Variants in UBXN6 observed in about 807,000 individuals in gnomAD.
UBXN6 encodes the protein UBX domain-containing protein 6.
UBXN6 carries 44 observed loss-of-function variants against 51.4 expected under a neutral mutation model. The ratio of observed to expected loss-of-function variants is 0.86; its 90% CI spans 0.67 to 1.10. The LOEUF is 1.10. Among genes scored for constraint, UBXN6 ranks in the 50% least tolerant of loss-of-function variants. The pLI, the probability that UBXN6 is intolerant of heterozygous loss-of-function variation, is 0.00. For synonymous variants in UBXN6, 316 were observed against 263.2 expected, an observed-to-expected ratio of 1.20 and a Z score of -1.94; for missense variants, 672 against 596.1, an observed-to-expected ratio of 1.13 and a Z score of -1.32.
intron 3 of UBXN6, 22 bp downstream of exon 3, chr19:4,453,436 T>A (rs757824689): frequency 6.2e-7 from 1 of 1,611,498 alleles, no homozygotes; most frequent in African/African-American, 1.3e-5. Flanking sequence ...CATGGGACAG[T>A]GCCACCAGTG....
In UBXN6 at chr19:4,446,272, T is replaced by C. The variant is rs1477341228; in HGVS notation, c.1051+11A>G. 2 of 1,570,506 alleles carry C rather than the reference T, an allele frequency of 1.3e-6. No homozygotes were observed. On this transcript the variant is annotated intron_variant, in intron 9 of 10. Transcript: ENST00000301281. Reference sequence around the variant, plus strand: ...CCCGAGCCGCCCTCCACGGGCATCGTTGGTGCCCACCCTGCAGGAGGCAGC... The same window carrying C: ...CCCGAGCCGCCCTCCACGGGCATCGCTGGTGCCCACCCTGCAGGAGGCAGC...
chr19:4,446,778 C>T, intron 7 of UBXN6, 58 bp downstream of exon 7: 1 of 1,613,226 alleles, frequency 6.2e-7, no homozygotes, highest in Non-Finnish European at 8.5e-7. Context: ...AAGCCGGGCC[C>T]TCCTGCCCCG....
chr19:4,448,265 G>A (rs997343025), intron 5 of UBXN6, 53 bp downstream of exon 5: 3 of 1,478,508 alleles, frequency 2.0e-6, no homozygotes, highest in Non-Finnish European at 1.8e-6. Flanking sequence ...CAGTGGGAGG[G>A]GTGCTGGGAT....
At chr19:4,448,851 TC>T (rs1457158291) in intron 4 of UBXN6, 4 of 186,412 alleles carry the variant, frequency 2.1e-5, no homozygotes, top group African/African-American at 9.4e-5. Flanking sequence ...CTCCCGGGCC[TC>T]ATGTTTACAA....
Position 4,457,614 on chromosome 19 carries a change from C to G in UBXN6, c.83+1G>C, listed in dbSNP as rs1974758458. 2 of 1,597,358 alleles carry G rather than the reference C, an allele frequency of 1.3e-6. No individual in the cohort carries two copies. The highest frequency in any genetic ancestry group is 4.6e-5 in the East Asian group (2 of 43,470). On this transcript the variant is annotated splice_donor_variant, in intron 1 of 10. Coordinates refer to ENST00000301281, the MANE Select transcript of UBXN6 (RefSeq NM_025241.3). LOFTEE classifies it high-confidence loss of function. ...CTCAAGCCCCTGCGTTCCTCACGCA[C>G]CCCACGGACTCTTTGAGCTTCTGAC... is the stretch of plus-strand genomic sequence containing the variant.
At position 4,446,127 on chromosome 19, in the gene UBXN6, C is replaced by A. The variant is rs1381806594; in HGVS notation, c.1122G>T (p.Trp374Cys). 6.2e-7 allele frequency: 1 copy of A among 1,612,476 alleles called. No homozygotes were observed. The highest frequency in any genetic ancestry group is 1.1e-5 in the South Asian group (1 of 91,088). Residue 374 changes from tryptophan to cysteine, a missense_variant, in exon 10 of 11, where the codon TGG becomes TGT. Trp to Cys is a radical substitution (Grantham distance 215, BLOSUM62 -2). Transcript: ENST00000301281. ...GFVREALQSD[W>C]LPFELLASGG... ...CCGAGGCCAGCAGCTCAAAAGGCAG[C>A]CAGTCGCTCTGCAGGGCCTCCCGGA...
At chr19:4,447,712 C>A in intron 5 of UBXN6, 87 bp from the exon 6 acceptor site, 2 of 1,368,020 alleles carry the variant, frequency 1.5e-6, no homozygotes, top group Middle Eastern at 1.8e-4. Context: ...AACAGCAGCT[C>A]AGCCACACTT....
Position 4,447,641 on chromosome 19 carries a change from A to G in UBXN6, c.540-16T>C, listed in dbSNP as rs1400032420. ...GTCCAGGTACCTGGGGTAGGTGGAG[A>G]AGGTGAGTGGGGCACAGCCCAGGCT... is the stretch of plus-strand genomic sequence containing the variant. On this transcript the variant is annotated splice_polypyrimidine_tract_variant and intron_variant, in intron 5 of 10. Coordinates refer to ENST00000301281, the MANE Select transcript of UBXN6 (RefSeq NM_025241.3). 6.2e-7 allele frequency: 1 copy of G among 1,613,372 alleles called. No homozygotes were observed. The highest frequency in any genetic ancestry group is 1.7e-5 in the Admixed American group (1 of 59,976).
chr19:4,445,203 C>T lies in UBXN6; in HGVS notation c.*295G>A, dbSNP rs997670175. 5.2e-6 allele frequency: 2 copies of T among 386,168 alleles called. No homozygotes were observed. The highest frequency in any genetic ancestry group is 4.1e-5 in the Admixed American group (1 of 24,554). The allele number at this position is 386,168 out of a possible 1,614,324, so 23.9% of individuals were successfully genotyped here. ...TGCTCTCCTGCCCAGGGAGATGCCA[C>T]GTGTGTCTGTCCGGCAGCTTCATGA... On this transcript the variant is annotated 3_prime_UTR_variant, in exon 11 of 11. Coordinates refer to ENST00000301281, the MANE Select transcript of UBXN6 (RefSeq NM_025241.3).
chr19:4,445,863 G>A lies in UBXN6; in HGVS notation c.1200+186C>T, dbSNP rs372256170. ...CCATTTGATGGGGAAACTGAGGCGT[G>A]GAGTAGTTATGAACTTGCTCGAGGC... On this transcript the variant is annotated intron_variant, in intron 10 of 10. Coordinates refer to ENST00000301281, the MANE Select transcript of UBXN6 (RefSeq NM_025241.3). 3.0e-5 allele frequency: 32 copies of A among 1,080,398 alleles called. No homozygotes were observed. In the East Asian group the frequency reaches 6.5e-4, roughly 22 times the overall value. The allele number at this position is 1,080,398 out of a possible 1,614,324, so 66.9% of individuals were successfully genotyped here.
In UBXN6 at chr19:4,457,735, G is replaced by A; in HGVS notation, c.-38C>T. ...CCCGGCGGCGGGGGGCCGCGGGGGC[G>A]GGGGGGCACGGGGCCCAGTCGGGGA... On this transcript the variant is annotated 5_prime_UTR_variant, in exon 1 of 11. Coordinates refer to ENST00000301281, the MANE Select transcript of UBXN6 (RefSeq NM_025241.3). The A allele has an allele frequency of 1.4e-6, 2 of 1,386,738 alleles. No homozygotes were observed. Among genetic ancestry groups the A allele is most frequent in the African/African-American group, 1.5e-5 (1 of 66,428 alleles). 85.9% of individuals were successfully genotyped at this position (1,386,738 alleles called of 1,614,324 possible).
rs1256626299 is a variant in UBXN6, at chr19:4,445,496, T to C, written c.*2A>G. ...AGGGCTGAGGCCAACCCTGCTTTTA[T>C]TTCACAAGAGCTTCTCGATGGCTGA... On this transcript the variant is annotated 3_prime_UTR_variant, in exon 11 of 11. Coordinates refer to ENST00000301281, the MANE Select transcript of UBXN6 (RefSeq NM_025241.3). 1.2e-6 allele frequency: 2 copies of C among 1,613,694 alleles called. No homozygotes were observed. Among genetic ancestry groups the C allele is most frequent in the African/African-American group, 2.7e-5 (2 of 74,922 alleles).
intron 1 of UBXN6, chr19:4,455,360 C>T: frequency 1.1e-6 from 1 of 924,286 alleles, no homozygotes; most frequent in Non-Finnish European, 1.3e-6. Flanking sequence ...CCTATCTAGT[C>T]CTCCCACAGC....
intron 1 of UBXN6, among the ~76,000 whole-genome samples, chr19:4,456,968 C>T (rs1248896035): frequency 1.3e-5 from 2 of 152,088 alleles, no homozygotes; most frequent in African/African-American, 4.8e-5. Flanking sequence ...CCCGGCCTCC[C>T]TGGCCTTCCA....
chr19:4,445,781 C>T (rs367970662), intron 10 of UBXN6, 158 bp from the exon 11 acceptor site: 77 of 1,264,166 alleles, frequency 6.1e-5, no homozygotes, highest in Admixed American at 2.9e-4. Context: ...CCTCTCCCTC[C>T]GGGACTCCAG....
chr19:4,454,055 G>C lies in UBXN6; in HGVS notation c.122C>G (p.Pro41Arg). The C allele has an allele frequency of 6.3e-7, 1 of 1,579,946 alleles. No individual in the cohort carries two copies. Among genetic ancestry groups the C allele is most frequent in the Non-Finnish European group, 8.6e-7 (1 of 1,166,250 alleles). The change falls in exon 2 of 11, where the codon CCC (proline) becomes CGC (arginine). Residue 41 changes from proline (P) to arginine (R), a missense_variant. Coordinates refer to ENST00000301281, the MANE Select transcript of UBXN6 (RefSeq NM_025241.3). ...AHKEKPNQPA[P>R]RPPRQGPTNE... ...GGTGGGTCCCTGGCGGGGCGGCCTGGGGGCTGGCTGGTTGGGCTTCTCTTT... is the reference window on the plus strand; with the variant it reads ...GGTGGGTCCCTGGCGGGGCGGCCTGCGGGCTGGCTGGTTGGGCTTCTCTTT...
In UBXN6 at chr19:4,446,497, C is replaced by T. The variant is rs1427137283; in HGVS notation, c.920+3G>A. On this transcript the variant is annotated splice_donor_region_variant and intron_variant, in intron 8 of 10. Coordinates refer to ENST00000301281, the MANE Select transcript of UBXN6 (RefSeq NM_025241.3). Reference sequence around the variant, plus strand: ...CACTCTGCTCCGCGGACGTCAGGCCCACCTGAGCCTCTGCTCCCGCTTGAT... The same window carrying T: ...CACTCTGCTCCGCGGACGTCAGGCCTACCTGAGCCTCTGCTCCCGCTTGAT... 12 of 1,605,794 alleles carry T rather than the reference C, an allele frequency of 7.5e-6. No individual in the cohort carries two copies. The highest frequency in any genetic ancestry group is 1.1e-5 in the South Asian group (1 of 90,888).
chr19:4,446,691 G>T lies in UBXN6; in HGVS notation c.729C>A (p.Ser243Arg). 6.2e-7 allele frequency: 1 copy of T among 1,610,914 alleles called. No homozygotes were observed. Among genetic ancestry groups the T allele is most frequent in the Non-Finnish European group, 8.5e-7 (1 of 1,178,318 alleles). Residue 243 changes from serine to arginine, a missense_variant, in exon 8 of 11, where the codon AGC becomes AGA. By Grantham distance (110) the Ser-to-Arg change is moderately radical. Transcript: ENST00000301281. ...QEDPEEFYVLSETTLAQPQSL... is the reference protein window; with the variant it reads ...QEDPEEFYVLRETTLAQPQSL... Reference sequence around the variant, plus strand: ...TCTGGGGCTGGGCCAAGGTGGTCTCGCTCAGCACGTAGAACTCCTCGGGGT... The same window carrying T: ...TCTGGGGCTGGGCCAAGGTGGTCTCTCTCAGCACGTAGAACTCCTCGGGGT...
chr19:4,454,600 C>T (rs1040799580), intron 1 of UBXN6, among the ~76,000 whole-genome samples: 4 of 152,072 alleles, frequency 2.6e-5, no homozygotes, highest in Non-Finnish European at 4.4e-5. Flanking sequence ...ATTTTTCTAT[C>T]GAGACAGGGT....
Sources: gnomAD v4.1 joint callset for allele counts (sites outside exome capture counted in the v4.1 genomes callset) on GRCh38, gnomAD v4.1.1 for gene constraint, MANE v1.5 for transcripts, NCBI Gene and HGNC (gene_info 2026-07-23, HGNC 2026-07-21) for gene names.